RASAL2: variants seen among roughly 807,000 people sequenced by gnomAD.
The protein encoded by RASAL2 is RAS protein activator like 2.
In RASAL2, 58 loss-of-function variants were observed where a neutral mutation model predicts 128.9. That is an observed-to-expected ratio of 0.45 (90% CI 0.36 to 0.56). The LOEUF (loss-of-function observed/expected upper bound fraction) is 0.56. Among genes scored for constraint, RASAL2 ranks in the 20% least tolerant of loss-of-function variants. The pLI is 0.00. For missense variants in RASAL2, 1,360 were observed against 1,601.6 expected (o/e 0.85, Z 2.57); for synonymous variants, 561 against 580.8 (o/e 0.97, Z 0.49).
intron 1 of RASAL2, among the ~76,000 whole-genome samples, chr1:178,118,496 C>T (rs947300655): frequency 6.6e-6 from 1 of 152,016 alleles, no homozygotes; most frequent in Non-Finnish European, 1.5e-5. Context: ...AGCAGTTGAT[C>T]CTATTCTAGC....
At chr1:178,160,143 G>C (rs564989876) in intron 1 of RASAL2, among the ~76,000 whole-genome samples, 3 of 150,962 alleles carry the variant, frequency 2.0e-5, no homozygotes, top group Admixed American at 6.6e-5. Flanking sequence ...TTGGTTTGCT[G>C]CACCCTATTC....
At chr1:178,442,387 C>A (rs935553297) in intron 7 of RASAL2, among the ~76,000 whole-genome samples, 1 of 151,976 alleles carries the variant, frequency 6.6e-6, no homozygotes. Flanking sequence ...AGATATTAGA[C>A]TGGTTATATG....
In RASAL2 at chr1:178,427,778, GCATT is replaced by G. The variant is rs1017937950; in HGVS notation, c.674+7163_674+7166del. Among the ~76,000 whole-genome samples, 44 of 152,046 alleles carry G rather than the reference GCATT, an allele frequency of 2.9e-4. 1 individual carries two copies. Among genetic ancestry groups the G allele is most frequent in the Middle Eastern group, 3.4e-3 (1 of 292 alleles). ...TATTCAGTTTTCGCCAATTTTACATGCATTCATTTGTGCATGTGTGTGTGTGTAG... is the reference window on the plus strand; with the variant it reads ...TATTCAGTTTTCGCCAATTTTACATGCATTTGTGCATGTGTGTGTGTGTAG... On this transcript the variant is annotated intron_variant, in intron 5 of 17. Transcript: ENST00000367649.
intron 1 of RASAL2, among the ~76,000 whole-genome samples, chr1:178,200,326 G>A (rs920162576): frequency 5.3e-5 from 8 of 152,290 alleles, no homozygotes; most frequent in East Asian, 3.9e-4. Context: ...AGTCCTTGGC[G>A]TGAACTGTTT....
chr1:178,132,216 A>AT (rs1182886426), intron 1 of RASAL2, among the ~76,000 whole-genome samples: 2 of 149,566 alleles, frequency 1.3e-5, no homozygotes, highest in East Asian at 4.1e-4. Context: ...AATTTAAAAA[A>AT]TTTTAAATTT....
chr1:178,233,403 T>C (rs1325402698), intron 1 of RASAL2, among the ~76,000 whole-genome samples: 2 of 152,192 alleles, frequency 1.3e-5, no homozygotes, highest in African/African-American at 2.4e-5. Context: ...GAGTTATCCA[T>C]GGTGTGGTCC....
intron 1 of RASAL2, among the ~76,000 whole-genome samples, chr1:178,186,981 G>A (rs997346957): frequency 6.6e-6 from 1 of 151,674 alleles, no homozygotes; most frequent in African/African-American, 2.4e-5. Context: ...GTGCCACCAT[G>A]CCTTACCAAT....
At chr1:178,308,692 C>T (rs1474241146) in intron 3 of RASAL2, among the ~76,000 whole-genome samples, 2 of 151,836 alleles carry the variant, frequency 1.3e-5, no homozygotes, top group Non-Finnish European at 2.9e-5. Context: ...ACTACAGGCA[C>T]TCACCACCAT....
chr1:178,467,423 T>G lies in RASAL2; in HGVS notation c.3678+2T>G. The G allele has an allele frequency of 6.2e-7, 1 of 1,612,314 alleles. No homozygotes were observed. The highest frequency in any genetic ancestry group is 8.5e-7 in the Non-Finnish European group (1 of 1,178,356). ...AAGCAGAAAATAATTGATGCACAGG[T>G]AAGCAGGCTTTGAATCTAATAGAAG... On this transcript the variant is annotated splice_donor_variant, in intron 17 of 17. Transcript: ENST00000367649. LOFTEE classifies it high-confidence loss of function.
rs1447230390 is a variant in RASAL2 at position 178,094,536 on chromosome 1, C to T, written c.44C>T (p.Ser15Phe). The change falls in exon 1 of 18, where the codon TCC becomes TTC. Residue 15 changes from serine to phenylalanine, a missense_variant. This residue lies in a region of RASAL2 where 617 missense variants were observed against 714.2 expected (regional missense o/e 0.86). Transcript: ENST00000367649. ...TCCGGAGGAGCCGCGGAGGCGCTGT[C>T]CTGGCCGGAGATGTTCCCGGCGCTG... ...PSSGGAAEAL[S>F]WPEMFPALES... is the part of the protein sequence containing the mutation. 6 of 1,581,690 alleles carry T rather than the reference C, an allele frequency of 3.8e-6. No individual in the cohort carries two copies. The highest frequency in any genetic ancestry group is 5.2e-6 in the Non-Finnish European group (6 of 1,164,528).
chr1:178,389,743 A>G (rs1557950119), intron 3 of RASAL2, among the ~76,000 whole-genome samples: 1 of 152,210 alleles, frequency 6.6e-6, no homozygotes, highest in African/African-American at 2.4e-5. Context: ...TAGAAATTCC[A>G]TTTTATTCTA....
intron 1 of RASAL2, among the ~76,000 whole-genome samples, chr1:178,157,910 C>T (rs1661137703): frequency 6.6e-6 from 1 of 152,096 alleles, no homozygotes; most frequent in South Asian, 2.1e-4. Context: ...TCATTGGTAA[C>T]TGGTTTCAAC....
At chr1:178,406,596 G>A (rs1471842021) in intron 4 of RASAL2, among the ~76,000 whole-genome samples, 2 of 151,984 alleles carry the variant, frequency 1.3e-5, no homozygotes, top group African/African-American at 2.4e-5. Flanking sequence ...TAAAAGAAAT[G>A]TTTTAAAACA....
At chr1:178,118,181 T>C (rs1659582662) in intron 1 of RASAL2, among the ~76,000 whole-genome samples, 1 of 150,890 alleles carries the variant, frequency 6.6e-6, no homozygotes, top group African/African-American at 2.4e-5. Flanking sequence ...AAAAAAGATA[T>C]ATATATATTT....
chr1:178,385,561 C>A (rs1258823616), intron 3 of RASAL2, among the ~76,000 whole-genome samples: 1 of 151,846 alleles, frequency 6.6e-6, no homozygotes, highest in Non-Finnish European at 1.5e-5. Flanking sequence ...AAAAAAAAGT[C>A]CTTACAAGAG....
intron 1 of RASAL2, among the ~76,000 whole-genome samples, chr1:178,218,849 G>T (rs1219469963): frequency 6.6e-6 from 1 of 152,242 alleles, no homozygotes; most frequent in African/African-American, 2.4e-5. Context: ...AAAGTCACCA[G>T]CTGTATTAGC....
intron 1 of RASAL2, among the ~76,000 whole-genome samples, chr1:178,204,292 G>T (rs191796542): frequency 6.6e-6 from 1 of 152,286 alleles, no homozygotes; most frequent in African/African-American, 2.4e-5. Context: ...TGTTTATTTG[G>T]AGATTATGAT....
intron 1 of RASAL2, among the ~76,000 whole-genome samples, chr1:178,148,313 T>C (rs1054116774): frequency 1.3e-5 from 2 of 152,144 alleles, no homozygotes; most frequent in African/African-American, 2.4e-5. Flanking sequence ...GTTTTATGTA[T>C]ACACTATAAA....
rs572830455 is a variant in RASAL2 at position 178,367,187 on chromosome 1, A to G, written c.458-22913A>G. On this transcript the variant is annotated intron_variant, in intron 3 of 17. Coordinates refer to ENST00000367649, the MANE Select transcript of RASAL2 (RefSeq NM_170692.4). ...CTAACATTACATGATCTGGCTTCCT[A>G]TTACTCCACAGTCTGATCTCCTTTT... Among the ~76,000 whole-genome samples, 8 of 152,234 alleles carry G rather than the reference A, an allele frequency of 5.3e-5. No homozygotes were observed. The South Asian group carries it at 6.2e-4, about 12-fold the overall frequency.
Sources: gnomAD v4.1 joint callset for allele counts (sites outside exome capture counted in the v4.1 genomes callset) on GRCh38, gnomAD v4.1.1 for gene constraint, gnomAD v4.1.1 regional missense constraint, MANE v1.5 for transcripts, NCBI Gene and HGNC (gene_info 2026-07-23, HGNC 2026-07-21) for gene names.